PLCB2: variants seen among roughly 807,000 people sequenced by gnomAD.
PLCB2 encodes the protein phospholipase C beta 2, also known as 1-phosphatidylinositol 4,5-bisphosphate phosphodiesterase beta-2.
In PLCB2, 115 loss-of-function variants were observed where a neutral mutation model predicts 141.7. The observed-to-expected ratio is 0.81, with a 90% CI of 0.70 to 0.95. The LOEUF (loss-of-function observed/expected upper bound fraction) is 0.95. Ranked by LOEUF, PLCB2 falls within the 40% of genes least tolerant of loss-of-function variation. The pLI, the probability that PLCB2 is intolerant of heterozygous loss-of-function variation, is 0.00. For missense variants in PLCB2, 1,403 were observed against 1,541.1 expected (o/e 0.91, Z 1.50); for synonymous variants, 603 against 595.6 (o/e 1.01, Z -0.18).
chr15:40,294,960 C>A lies in PLCB2; in HGVS notation c.1882G>T (p.Val628Phe), dbSNP rs1490624273. The change falls in exon 18 of 32, where the codon GTT becomes TTT. Residue 628 changes from valine (V) to phenylalanine (F), a missense_variant. Val to Phe is a conservative substitution (Grantham distance 50). Coordinates refer to ENST00000260402, the MANE Select transcript of PLCB2 (RefSeq NM_004573.3). ...CCCATCGTCTGGAAGTTGAGGGCAACCATCTGGCATCCAGCATTCCAGAAC... is the reference window on the plus strand; with the variant it reads ...CCCATCGTCTGGAAGTTGAGGGCAAACATCTGGCATCCAGCATTCCAGAAC... ...QMFWNAGCQM[V>F]ALNFQTMDLP... 6.2e-7 allele frequency: 1 copy of A among 1,614,114 alleles called. No individual in the cohort carries two copies. The highest frequency in any genetic ancestry group is 1.1e-5 in the South Asian group (1 of 91,086).
chr15:40,296,900 T>C lies in PLCB2; in HGVS notation c.1332A>G (p.Pro444=). ...CCTCAGGGCTGGGCAGGGGGACACCTGGTTTTAGCTATGGAGTGGAGAGCA... is the reference window on the plus strand; with the variant it reads ...CCTCAGGGCTGGGCAGGGGGACACCCGGTTTTAGCTATGGAGTGGAGAGCA... ...TEPLEKFPLK[P]GVPLPSPEDL... The change falls in exon 14 of 32, where the codon CCA becomes CCG. Residue 444 remains proline (P), a synonymous_variant. Coordinates refer to ENST00000260402, the MANE Select transcript of PLCB2 (RefSeq NM_004573.3). 6.2e-7 allele frequency: 1 copy of C among 1,614,002 alleles called. No individual in the cohort carries two copies. Among genetic ancestry groups the C allele is most frequent in the Non-Finnish European group, 8.5e-7 (1 of 1,179,942 alleles).
At chr15:40,289,927 AAGAGAGAGAG>A (rs58167971) in intron 30 of PLCB2, 88 bp downstream of exon 30, 29,270 of 539,464 alleles carry the variant, frequency 0.054, 247 homozygotes, top group Non-Finnish European at 0.064. Context: ...CCTACTTGTG[AAGAGAGAGAG>A]AGAGAGAGAG....
At position 40,292,221 on chromosome 15, in the gene PLCB2, T is replaced by G. The variant is rs1433932790; in HGVS notation, c.2432-63A>C. On this transcript the variant is annotated intron_variant, in intron 22 of 31. Coordinates refer to ENST00000260402, the MANE Select transcript of PLCB2 (RefSeq NM_004573.3). ...TGGAGATGTGGCTGGAAGTCTCCCCTGTCCTCACCCACTCCAGGATGCCCC... is the reference window on the plus strand; with the variant it reads ...TGGAGATGTGGCTGGAAGTCTCCCCGGTCCTCACCCACTCCAGGATGCCCC... 21 of 1,523,392 alleles carry G rather than the reference T, an allele frequency of 1.4e-5. 1 individual carries two copies. The highest frequency in any genetic ancestry group is 1.8e-5 in the Non-Finnish European group (20 of 1,098,446). The allele number at this position is 1,523,392 out of a possible 1,614,324, so 94.4% of individuals were successfully genotyped here.
intron 7 of PLCB2, 185 bp from the exon 8 acceptor site, chr15:40,299,413 C>T (rs1023329530): frequency 3.3e-5 from 18 of 545,500 alleles, no homozygotes; most frequent in African/African-American, 3.2e-4. Flanking sequence ...GCATGCTTAG[C>T]TGGTTTGCTC....
rs923018007 is a variant in PLCB2, at chr15:40,289,422, G to A, written c.3268-64C>T. On this transcript the variant is annotated intron_variant, in intron 30 of 31. Coordinates refer to ENST00000260402, the MANE Select transcript of PLCB2 (RefSeq NM_004573.3). ...GACAGGCAAGCTGGGTCAGAATCCA[G>A]CTGTAATCCCAGCTAACTAGTTGTA... 3.0e-5 allele frequency: 36 copies of A among 1,216,628 alleles called. No homozygotes were observed. The African/African-American group carries it at 4.8e-4, about 16-fold the overall frequency. 75.4% of individuals were successfully genotyped at this position (1,216,628 alleles called of 1,614,324 possible).
chr15:40,299,544 A>G (rs899880434), intron 7 of PLCB2, among the ~76,000 whole-genome samples: 6 of 152,202 alleles, frequency 3.9e-5, no homozygotes, highest in African/African-American at 9.6e-5. Context: ...CTAGTAGGCT[A>G]TCTTTTTTAA....
At chr15:40,284,636 T>C (rs2039583355), downstream of PLCB2, 1 of 449,072 alleles carries the variant, frequency 2.2e-6, no homozygotes, top group African/African-American at 2.0e-5. Context: ...GATCAAGGGA[T>C]CGAGACCATC....
chr15:40,295,320 TC>T (rs1476826063), intron 16 of PLCB2, 35 bp from the exon 17 acceptor site: 5 of 1,448,372 alleles, frequency 3.5e-6, no homozygotes, highest in Non-Finnish European at 3.9e-6. Flanking sequence ...AGGAGTTTTA[TC>T]AGGCTGTCCC....
chr15:40,296,446 T>G, intron 15 of PLCB2, 54 bp from the exon 16 acceptor site: 2 of 1,613,152 alleles, frequency 1.2e-6, no homozygotes, highest in Admixed American at 1.7e-5. Context: ...AGCCCAGGAA[T>G]GGGGCCCAAG....
At chr15:40,298,515 G>A (rs1173178976) in intron 10 of PLCB2, 47 bp downstream of exon 10, 1 of 1,611,962 alleles carries the variant, frequency 6.2e-7, no homozygotes, top group East Asian at 2.2e-5. Flanking sequence ...AGGATGCAGG[G>A]AACCCCTGTG....
intron 1 of PLCB2, among the ~76,000 whole-genome samples, chr15:40,306,740 C>T (rs1123487): frequency 0.3 from 45,154 of 152,144 alleles, 6,979 homozygotes; most frequent in Middle Eastern, 0.35. Flanking sequence ...TTCCCTCCCC[C>T]ACCAAGCCTT....
In PLCB2 at chr15:40,307,748, G is replaced by T. The variant is rs1026898092; in HGVS notation, c.-76C>A. On this transcript the variant is annotated 5_prime_UTR_variant, in exon 1 of 32. Coordinates refer to ENST00000260402, the MANE Select transcript of PLCB2 (RefSeq NM_004573.3). The stretch of plus-strand genomic sequence containing the variant: ...AGGGCAGGAAGGAGGCCAGCCAGGA[G>T]GGGGAGCCAAGCTGGGCTCAAATGG... The T allele has an allele frequency of 3.9e-6, 5 of 1,294,714 alleles. No homozygotes were observed. Among genetic ancestry groups the T allele is most frequent in the African/African-American group, 3.0e-5 (2 of 66,600 alleles). 80.2% of individuals were successfully genotyped at this position (1,294,714 alleles called of 1,614,324 possible). A position where few individuals can be genotyped will look rare whatever the true frequency, so the allele number is the denominator to read the frequency against.
In PLCB2 at chr15:40,297,874, C is replaced by T; in HGVS notation, c.1238+3G>A. On this transcript the variant is annotated splice_donor_region_variant and intron_variant, in intron 12 of 31. Transcript: ENST00000260402. This position sits in a 1 kb window ranked among gnomAD's most constrained non-coding sequence, Gnocchi z 4.2. ...ATGTGGCTGAATGGGCCTGGATACGCACGAGTCCACATGGTTCTCAAACGA... is the reference window on the plus strand; with the variant it reads ...ATGTGGCTGAATGGGCCTGGATACGTACGAGTCCACATGGTTCTCAAACGA... 6.2e-7 allele frequency: 1 copy of T among 1,611,420 alleles called. No individual in the cohort carries two copies. Among genetic ancestry groups the T allele is most frequent in the South Asian group, 1.1e-5 (1 of 90,990 alleles).
Position 40,296,801 on chromosome 15 carries a change from A to T in PLCB2, c.1431T>A (p.Thr477=), listed in dbSNP as rs2229691. 6.2e-7 allele frequency: 1 copy of T among 1,613,912 alleles called. No individual in the cohort carries two copies. Among genetic ancestry groups the T allele is most frequent in the Non-Finnish European group, 8.5e-7 (1 of 1,179,922 alleles). Reference sequence around the variant, plus strand: ...GGCTGCTGCCCTCAGCCTCCCCACCAGTATCCTTACTGGAGGAGGTGGGGC... The same window carrying T: ...GGCTGCTGCCCTCAGCCTCCCCACCTGTATCCTTACTGGAGGAGGTGGGGC... ...FSGPTSSSKD[T]GGEAEGSSPP... Residue 477 remains threonine (T), a synonymous_variant, in exon 14 of 32, where the codon ACT becomes ACA. Coordinates refer to ENST00000260402, the MANE Select transcript of PLCB2 (RefSeq NM_004573.3).
chr15:40,291,974 C>T (rs779200914), intron 23 of PLCB2, 50 bp from the exon 24 acceptor site: 185 of 1,606,786 alleles, frequency 1.2e-4, no homozygotes, highest in Admixed American at 3.0e-4. Flanking sequence ...CCTCTCTCCC[C>T]GAGCCTGGGA....
intron 25 of PLCB2, 33 bp from the exon 26 acceptor site, chr15:40,291,520 C>T: frequency 6.2e-7 from 1 of 1,600,816 alleles, no homozygotes; most frequent in Non-Finnish European, 8.5e-7. Flanking sequence ...CAACACCGGC[C>T]AGGCCGTCCT....
At chr15:40,304,213 G>T in intron 1 of PLCB2, 135 bp from the exon 2 acceptor site, 3 of 640,360 alleles carry the variant, frequency 4.7e-6, no homozygotes, top group South Asian at 3.5e-5. Flanking sequence ...TCCTTTTGTT[G>T]TCTAGAGCTA....
In PLCB2 at chr15:40,298,708, C is replaced by A. The variant is rs1002606621; in HGVS notation, c.851G>T (p.Gly284Val). The A allele has an allele frequency of 2.5e-6, 4 of 1,613,950 alleles. No homozygotes were observed. Among genetic ancestry groups the A allele is most frequent in the Non-Finnish European group, 3.4e-6 (4 of 1,179,936 alleles). ...GACCATGCCTTCAGGTGACAGCTGGCCTGGGGGACAGGAGATAGCTGTCAG... is the reference window on the plus strand; with the variant it reads ...GACCATGCCTTCAGGTGACAGCTGGACTGGGGGACAGGAGATAGCTGTCAG... ...YEPSGINAQR[G>V]QLSPEGMVWF... Residue 284 changes from glycine (G) to valine (V), a missense_variant and splice_region_variant, in exon 10 of 32, where the codon GGC (glycine) becomes GTC (valine). Gly to Val is a moderately radical substitution (Grantham distance 109). Coordinates refer to ENST00000260402, the MANE Select transcript of PLCB2 (RefSeq NM_004573.3).
rs773656506 is a variant in PLCB2 at position 40,291,638 on chromosome 15, C to A, written c.2615G>T (p.Gly872Val). ...TTCTTTCATAGCCTCTTCCCTGGCC[C>A]CGGCCCTGGCTGCTGCAAGAGCCAC... ...TSNGSPAARA[G>V]AREEAMKEAA... Residue 872 changes from glycine (G) to valine (V), a missense_variant, in exon 25 of 32, where the codon GGG becomes GTG. Gly to Val is a moderately radical substitution (Grantham distance 109). This residue lies in a region of PLCB2 where 975 missense variants were observed against 1,141.1 expected (regional missense o/e 0.85). Transcript: ENST00000260402. 4 of 1,613,130 alleles carry A rather than the reference C, an allele frequency of 2.5e-6. No homozygotes were observed. The East Asian group carries it at 8.9e-5, about 36-fold the overall frequency.
Sources: gnomAD v4.1 joint callset for allele counts (sites outside exome capture counted in the v4.1 genomes callset) on GRCh38, gnomAD v4.1.1 for gene constraint, gnomAD v4.1.1 regional missense constraint, Gnocchi (gnomAD v3.1) non-coding constraint, MANE v1.5 for transcripts, NCBI Gene and HGNC (gene_info 2026-07-23, HGNC 2026-07-21) for gene names.